Variants in CDADC1 observed in about 807,000 individuals in gnomAD.
CDADC1 encodes the protein dCTP deaminase.
Under a neutral mutation model 54.9 loss-of-function variants are expected in CDADC1, and 39 were observed. That is an observed-to-expected ratio of 0.71 (90% CI 0.55 to 0.93). The LOEUF (loss-of-function observed/expected upper bound fraction) is 0.93. Ranked by LOEUF, CDADC1 falls within the 40% of genes least tolerant of loss-of-function variation. The pLI, the probability that CDADC1 is intolerant of heterozygous loss-of-function variation, is 0.00. For synonymous variants in CDADC1, 186 were observed against 204.0 expected (o/e 0.91, Z 0.75); for missense variants, 518 against 618.8 (o/e 0.84, Z 1.73).
At chr13:49,278,967 A>G (rs544517326) in intron 7 of CDADC1, among the ~76,000 whole-genome samples, 97 of 152,332 alleles carry the variant, frequency 6.4e-4, no homozygotes, top group Non-Finnish European at 9.6e-4. Context: ...TCCTGAGTGA[A>G]GTAGCCATTG....
intron 8 of CDADC1, among the ~76,000 whole-genome samples, chr13:49,281,728 G>A (rs1953341707): frequency 6.6e-6 from 1 of 151,994 alleles, no homozygotes; most frequent in Non-Finnish European, 1.5e-5. Context: ...ACAAAGGGAG[G>A]TGCACACACA....
rs1390956360 is a variant in CDADC1 at position 49,268,019 on chromosome 13, G to C, written c.960G>C (p.Arg320Ser). The C allele has an allele frequency of 1.9e-6, 3 of 1,613,416 alleles. No individual in the cohort carries two copies. The African/African-American group carries it at 4.0e-5, about 22-fold the overall frequency. The change falls in exon 5 of 10, where the codon AGG (arginine) becomes AGC (serine). Residue 320 changes from arginine (R) to serine (S), a missense_variant. Transcript: ENST00000251108. ...HNQSLPQEIA[R>S]HCMVQARLLA... ...AAAGTTTGCCACAGGAAATTGCAAG[G>C]CACTGCATGGTTCAGGCCAGGTTAT...
Position 49,291,723 on chromosome 13 carries a change from A to G in CDADC1, c.1511A>G (p.His504Arg). 1.9e-6 allele frequency: 3 copies of G among 1,614,150 alleles called. No individual in the cohort carries two copies. Among genetic ancestry groups the G allele is most frequent in the Non-Finnish European group, 2.5e-6 (3 of 1,179,998 alleles). ...CCTGTCCCACAGAAGGAAGAGCAGCACCAGGACAAGAAGCTGCGCCTCGGA... is the reference window on the plus strand; with the variant it reads ...CCTGTCCCACAGAAGGAAGAGCAGCGCCAGGACAAGAAGCTGCGCCTCGGA... ...LRPVPQKEEQ[H>R]QDKKLRLGIH Residue 504 changes from histidine to arginine, a missense_variant, in exon 10 of 10, where the codon CAC (histidine) becomes CGC (arginine). Transcript: ENST00000251108.
intron 2 of CDADC1, among the ~76,000 whole-genome samples, chr13:49,251,696 TAGAG>T (rs909339596): frequency 2.0e-4 from 31 of 152,212 alleles, no homozygotes; most frequent in African/African-American, 6.8e-4. Context: ...TCATACTATA[TAGAG>T]AAAGCTGTGG....
At chr13:49,271,822 C>A (rs965225651) in intron 5 of CDADC1, among the ~76,000 whole-genome samples, 1 of 152,056 alleles carries the variant, frequency 6.6e-6, no homozygotes, top group Non-Finnish European at 1.5e-5. Flanking sequence ...CAAAGTTGTA[C>A]AGAGAAAACC....
chr13:49,271,062 G>A (rs537674413), intron 5 of CDADC1, among the ~76,000 whole-genome samples: 24 of 152,296 alleles, frequency 1.6e-4, no homozygotes, highest in African/African-American at 5.5e-4. Context: ...ATTGAAAGTA[G>A]TTGCTTATAA....
At chr13:49,249,691 C>T (rs963306994) in intron 2 of CDADC1, among the ~76,000 whole-genome samples, 2 of 152,028 alleles carry the variant, frequency 1.3e-5, no homozygotes, top group African/African-American at 4.8e-5. Context: ...TGAGATTGCA[C>T]CACTGCACTC....
At chr13:49,268,686 A>G (rs1952887861) in intron 5 of CDADC1, among the ~76,000 whole-genome samples, 3 of 152,116 alleles carry the variant, frequency 2.0e-5, no homozygotes, top group Admixed American at 2.0e-4. Flanking sequence ...AAAGGAGAAA[A>G]CCAAAATTAT....
At position 49,291,913 on chromosome 13, in the gene CDADC1, T is replaced by C. The variant is rs1457593857; in HGVS notation, c.*156T>C. ...ATTTCTAGGATACAAATGGTGTTAATAAGAATATTTGTCTTTTAGATTTAT... is the reference window on the plus strand; with the variant it reads ...ATTTCTAGGATACAAATGGTGTTAACAAGAATATTTGTCTTTTAGATTTAT... On this transcript the variant is annotated 3_prime_UTR_variant, in exon 10 of 10. Transcript: ENST00000251108. 1 of 1,402,098 alleles carries C rather than the reference T, an allele frequency of 7.1e-7. No individual in the cohort carries two copies. Among genetic ancestry groups the C allele is most frequent in the African/African-American group, 1.5e-5 (1 of 68,770 alleles). The allele number at this position is 1,402,098 out of a possible 1,614,324, so 86.9% of individuals were successfully genotyped here.
At chr13:49,249,570 T>C (rs1272818922) in intron 2 of CDADC1, among the ~76,000 whole-genome samples, 1 of 152,048 alleles carries the variant, frequency 6.6e-6, no homozygotes, top group Non-Finnish European at 1.5e-5. Context: ...CCCATCTCTA[T>C]TAAACATACA....
chr13:49,272,444 G>A (rs1020023506), intron 5 of CDADC1, among the ~76,000 whole-genome samples: 1 of 152,010 alleles, frequency 6.6e-6, no homozygotes, highest in Admixed American at 6.6e-5. Flanking sequence ...AAGTCATCTC[G>A]TGCACTCTGC....
chr13:49,269,432 A>G (rs1045561875), intron 5 of CDADC1, among the ~76,000 whole-genome samples: 1 of 152,226 alleles, frequency 6.6e-6, no homozygotes, highest in African/African-American at 2.4e-5. Context: ...AAGTTCCACA[A>G]GGTGTTCTGA....
chr13:49,250,338 T>C (rs186935001), intron 2 of CDADC1, among the ~76,000 whole-genome samples: 36 of 152,298 alleles, frequency 2.4e-4, no homozygotes, highest in Admixed American at 2.0e-3. Context: ...AGAAAAAACA[T>C]GGTCTTTATT....
intron 1 of CDADC1, 84 bp from the exon 2 acceptor site, chr13:49,248,787 C>A: frequency 2.4e-6 from 2 of 851,036 alleles, no homozygotes; most frequent in South Asian, 1.4e-5. Flanking sequence ...TGGGCTTAGG[C>A]TGCAGCACCT....
At position 49,292,670 on chromosome 13, in the gene CDADC1, A is replaced by T. The variant is rs1953746116; in HGVS notation, c.*913A>T. On this transcript the variant is annotated 3_prime_UTR_variant, in exon 10 of 10. Coordinates refer to ENST00000251108, the MANE Select transcript of CDADC1 (RefSeq NM_030911.4). Reference sequence around the variant, plus strand: ...TACTGAAAGTCTTGAAAGTATGGTCATTTCAGCTATTCCAGATTGCTGTCT... The same window carrying T: ...TACTGAAAGTCTTGAAAGTATGGTCTTTTCAGCTATTCCAGATTGCTGTCT... 1.6e-6 allele frequency: 2 copies of T among 1,222,504 alleles called. No individual in the cohort carries two copies. The highest frequency in any genetic ancestry group is 1.5e-5 in the South Asian group (1 of 68,074). 75.7% of individuals were successfully genotyped at this position (1,222,504 alleles called of 1,614,324 possible). A position where few individuals can be genotyped will look rare whatever the true frequency, so the allele number is the denominator to read the frequency against.
chr13:49,276,440 T>C (rs1375261489), intron 6 of CDADC1, among the ~76,000 whole-genome samples: 1 of 152,226 alleles, frequency 6.6e-6, no homozygotes, highest in Non-Finnish European at 1.5e-5. Context: ...TATAGCTGAC[T>C]GAAAGGTGAG....
rs1240662703 is a variant in CDADC1 at position 49,280,625 on chromosome 13, T to C, written c.1337T>C (p.Val446Ala). The change falls in exon 8 of 10, where the codon GTA becomes GCA. Residue 446 changes from valine (V) to alanine (A), a missense_variant. Transcript: ENST00000251108. The part of the protein sequence containing the change: ...AGIKQIYAGD[V>A]DVGKKKADIS... ...ATAAAACAAATCTATGCAGGAGATG[T>C]AGATGTTGGAAAAAAGAAGGCAGAC... The C allele has an allele frequency of 6.2e-6, 10 of 1,601,968 alleles. No individual in the cohort carries two copies. Among genetic ancestry groups the C allele is most frequent in the Middle Eastern group, 1.7e-4 (1 of 6,044 alleles).
chr13:49,284,703 A>C (rs1057440555), intron 8 of CDADC1, among the ~76,000 whole-genome samples: 5 of 152,150 alleles, frequency 3.3e-5, no homozygotes, highest in African/African-American at 1.2e-4. Context: ...CCATTTCTAG[A>C]TGTCCTCCCT....
rs186425570 is a variant in CDADC1, at chr13:49,282,293, C to A, written c.1410+1595C>A. 1.9e-4 allele frequency among the ~76,000 whole-genome samples: 22 copies of A among 116,750 alleles called. No homozygotes were observed. In the East Asian group the frequency reaches 4.2e-3, roughly 22 times the overall value. 76.6% of individuals were successfully genotyped at this position (116,750 alleles called of 152,430 possible). A position where few individuals can be genotyped will look rare whatever the true frequency, so the allele number is the denominator to read the frequency against. The stretch of plus-strand genomic sequence containing the variant: ...GTTTTGAGACAGGGTCTCACTATCT[C>A]ACCCAGGCTGGAGTGCAGTGGCGCC... On this transcript the variant is annotated intron_variant, in intron 8 of 9. Transcript: ENST00000251108.
Sources: allele counts gnomAD v4.1 joint callset (sites outside exome capture counted in the v4.1 genomes callset), GRCh38; gene constraint gnomAD v4.1.1; transcripts MANE v1.5; gene names NCBI Gene and HGNC (gene_info 2026-07-23, HGNC 2026-07-21).